Variants in IFT74 observed in about 807,000 individuals in gnomAD.
IFT74 encodes the protein intraflagellar transport 74.
Under a neutral mutation model 96.7 loss-of-function variants are expected in IFT74, and 92 were observed. The ratio of observed to expected loss-of-function variants is 0.95; its 90% CI spans 0.80 to 1.13. The LOEUF is 1.13. Among genes scored for constraint, IFT74 ranks in the 50% most tolerant of loss-of-function variants. The pLI, the probability that IFT74 is intolerant of heterozygous loss-of-function variation, is 0.00. For synonymous variants in IFT74, 223 were observed against 213.2 expected, an observed-to-expected ratio of 1.05 and a Z score of -0.40; for missense variants, 811 against 698.2, an observed-to-expected ratio of 1.16 and a Z score of -1.82.
In IFT74 at chr9:26,978,154, T is replaced by C. The variant is rs1827204873; in HGVS notation, c.147T>C (p.Gly49=). 1.2e-6 allele frequency: 2 copies of C among 1,608,134 alleles called. No homozygotes were observed. The highest frequency in any genetic ancestry group is 1.7e-6 in the Non-Finnish European group (2 of 1,179,018). The stretch of plus-strand genomic sequence containing the variant: ...TGCCACCTGGGACAGCAAGACCAGG[T>C]TCTCGTGGTTGTCCCATAGGGACTG... ...TAMPPGTARP[G]SRGCPIGTGG... is the part of the protein sequence containing the mutation. Residue 49 remains glycine, a synonymous_variant, in exon 3 of 20, where the codon GGT becomes GGC. Coordinates refer to ENST00000380062, the MANE Select transcript of IFT74 (RefSeq NM_025103.4).
At chr9:26,973,182 A>G (rs1396254021) in intron 2 of IFT74, among the ~76,000 whole-genome samples, 1 of 152,230 alleles carries the variant, frequency 6.6e-6, no homozygotes, top group Non-Finnish European at 1.5e-5. Context: ...ACTGATGATC[A>G]TAAGGAATTT....
chr9:26,997,903 T>A, intron 8 of IFT74: 1 of 1,614,146 alleles, frequency 6.2e-7, no homozygotes, highest in Non-Finnish European at 8.5e-7. Flanking sequence ...GAGGCACAAA[T>A]ACATCAGCAT....
chr9:26,996,534 GA>G, intron 8 of IFT74: 1 of 1,288,288 alleles, frequency 7.8e-7, no homozygotes, highest in South Asian at 2.7e-5. Flanking sequence ...TTAGTATAGA[GA>G]AAAATAATAG....
intron 4 of IFT74, among the ~76,000 whole-genome samples, chr9:26,981,728 C>T (rs568929505): frequency 1.3e-5 from 2 of 151,134 alleles, no homozygotes; most frequent in East Asian, 3.9e-4. Context: ...CCCCTTGTAG[C>T]ATTTTAAAAG....
intron 13 of IFT74, among the ~76,000 whole-genome samples, chr9:27,030,450 A>C (rs976895955): frequency 2.7e-5 from 4 of 147,948 alleles, no homozygotes; most frequent in African/African-American, 9.9e-5. Flanking sequence ...TGGGAGGCTG[A>C]GGCAGGAGAA....
intron 12 of IFT74, among the ~76,000 whole-genome samples, chr9:27,020,054 C>A (rs1829525635): frequency 6.6e-6 from 1 of 151,804 alleles, no homozygotes; most frequent in Non-Finnish European, 1.5e-5. Context: ...TGGCTCACTG[C>A]AACCTCCACA....
chr9:26,990,264 G>A (rs1827807383), intron 8 of IFT74, 69 bp downstream of exon 8: 7 of 748,078 alleles, frequency 9.4e-6, no homozygotes, highest in Non-Finnish European at 1.0e-5. Context: ...TTGTGATCCA[G>A]TTATTTCCTT....
rs998538964 is a variant in IFT74 at position 27,063,598 on chromosome 9, T to A, written c.*862T>A. ...CTTATCGTGCAGGAATGAGTCACCTTGGCCAGCATAAAATATTACTTAAAA... is the reference window on the plus strand; with the variant it reads ...CTTATCGTGCAGGAATGAGTCACCTAGGCCAGCATAAAATATTACTTAAAA... On this transcript the variant is annotated 3_prime_UTR_variant, in exon 20 of 20. Transcript: ENST00000380062. Among the ~76,000 whole-genome samples, 2 of 152,122 alleles carry A rather than the reference T, an allele frequency of 1.3e-5. No individual in the cohort carries two copies. Among genetic ancestry groups the A allele is most frequent in the Admixed American group, 1.3e-4 (2 of 15,272 alleles).
At chr9:26,974,195 C>A (rs1262199508) in intron 2 of IFT74, among the ~76,000 whole-genome samples, 1 of 152,124 alleles carries the variant, frequency 6.6e-6, no homozygotes, top group Admixed American at 6.6e-5. Context: ...GGTTTGGAGC[C>A]ACCTGTTGAA....
intron 8 of IFT74, among the ~76,000 whole-genome samples, chr9:26,992,041 A>C (rs1827908622): frequency 6.6e-6 from 1 of 152,132 alleles, no homozygotes; most frequent in Non-Finnish European, 1.5e-5. Context: ...GTCTCAAAAA[A>C]AAAAAATAGA....
rs558881489 is a variant in IFT74, at chr9:26,996,565, G to A, written c.587+6370G>A. The A allele has an allele frequency of 5.4e-6, 6 of 1,111,806 alleles. No individual in the cohort carries two copies. In the African/African-American group the frequency reaches 6.5e-5, roughly 12 times the overall value. The allele number at this position is 1,111,806 out of a possible 1,614,324, so 68.9% of individuals were successfully genotyped here. A position where few individuals can be genotyped will look rare whatever the true frequency, so the allele number is the denominator to read the frequency against. ...TAATAGTTAACAACATTTTATAATTGTTTTATCTAGAATTTTTGACATATT... is the reference window on the plus strand; with the variant it reads ...TAATAGTTAACAACATTTTATAATTATTTTATCTAGAATTTTTGACATATT... On this transcript the variant is annotated intron_variant, in intron 8 of 19. Transcript: ENST00000380062.
intron 8 of IFT74, chr9:26,996,582 T>G: frequency 1.0e-6 from 1 of 997,466 alleles, no homozygotes; most frequent in Non-Finnish European, 1.3e-6. Context: ...CTAGAATTTT[T>G]GACATATTTG....
intron 13 of IFT74, among the ~76,000 whole-genome samples, chr9:27,031,590 T>G (rs1830125286): frequency 6.8e-6 from 1 of 147,386 alleles, no homozygotes; most frequent in Non-Finnish European, 1.5e-5. Context: ...GGCCCTTAAC[T>G]TTACTCATTT....
At position 27,025,293 on chromosome 9, in the gene IFT74, ATCCGC is replaced by A. The variant is rs558631220; in HGVS notation, c.975-3730_975-3726del. Among the ~76,000 whole-genome samples, 1,184 of 151,960 alleles carry A rather than the reference ATCCGC, an allele frequency of 7.8e-3. 16 individuals are homozygous for A. The highest frequency in any genetic ancestry group is 0.027 in the African/African-American group (1,111 of 41,442). On this transcript the variant is annotated intron_variant, in intron 12 of 19. Coordinates refer to ENST00000380062, the MANE Select transcript of IFT74 (RefSeq NM_025103.4). Reference sequence around the variant, plus strand: ...CCTTGTCTCTACTAAAAATACAAAAATCCGCTGGGCATGGTGGCACGCACCTGTAG... The same window carrying A: ...CCTTGTCTCTACTAAAAATACAAAAATGGGCATGGTGGCACGCACCTGTAG...
At chr9:27,058,469 T>C (rs979816216) in intron 18 of IFT74, among the ~76,000 whole-genome samples, 2 of 152,132 alleles carry the variant, frequency 1.3e-5, no homozygotes, top group Non-Finnish European at 2.9e-5. Flanking sequence ...TACTGCAACC[T>C]CCACCTCCTG....
intron 9 of IFT74, among the ~76,000 whole-genome samples, chr9:27,009,659 G>A (rs1009775394): frequency 7.3e-5 from 11 of 150,978 alleles, no homozygotes; most frequent in African/African-American, 2.4e-4. Flanking sequence ...GCAACAGAGC[G>A]AGACTCTGTC....
At chr9:27,031,407 C>T (rs935081799) in intron 13 of IFT74, among the ~76,000 whole-genome samples, 2 of 151,772 alleles carry the variant, frequency 1.3e-5, no homozygotes, top group East Asian at 1.9e-4. Flanking sequence ...GCGGAACTTG[C>T]AGTGAGCCAA....
At position 27,003,358 on chromosome 9, in the gene IFT74, A is replaced by G. The variant is rs933002145; in HGVS notation, c.588-5662A>G. On this transcript the variant is annotated intron_variant, in intron 8 of 19. Coordinates refer to ENST00000380062, the MANE Select transcript of IFT74 (RefSeq NM_025103.4). Reference sequence around the variant, plus strand: ...GCCAACATGGCGAAACCTCATCTCTACTACAATTACAAAAATTAGCCGGGT... The same window carrying G: ...GCCAACATGGCGAAACCTCATCTCTGCTACAATTACAAAAATTAGCCGGGT... 5.9e-5 allele frequency among the ~76,000 whole-genome samples: 9 copies of G among 152,090 alleles called. No homozygotes were observed. In the South Asian group the frequency reaches 1.5e-3, roughly 25 times the overall value.
At chr9:26,953,836 A>G (rs1826005544), upstream of IFT74, among the ~76,000 whole-genome samples, 1 of 152,180 alleles carries the variant, frequency 6.6e-6, no homozygotes, top group African/African-American at 2.4e-5. Flanking sequence ...TAAAAAACCT[A>G]CAAACATCCT....
Sources: gnomAD v4.1 joint callset for allele counts (sites outside exome capture counted in the v4.1 genomes callset) on GRCh38, gnomAD v4.1.1 for gene constraint, MANE v1.5 for transcripts, NCBI Gene and HGNC (gene_info 2026-07-23, HGNC 2026-07-21) for gene names.